Variants in NSG2 observed in about 807,000 individuals in gnomAD.
The protein encoded by NSG2 is neuronal vesicle trafficking associated 2, also known as neuronal vesicle trafficking-associated protein 2.
A neutral mutation model predicts 16.9 loss-of-function variants in NSG2; 4 were observed. That is an observed-to-expected ratio of 0.24 (90% CI 0.12 to 0.54). NSG2 has a LOEUF of 0.54. NSG2 is among the 20% of genes least tolerant of loss of function. The pLI is 0.95. For missense variants in NSG2, 179 were observed against 221.1 expected, an observed-to-expected ratio of 0.81 and a Z score of 1.21; for synonymous variants, 98 against 88.7, an observed-to-expected ratio of 1.11 and a Z score of -0.59.
chr5:174,090,391 C>T lies in NSG2; in HGVS notation c.214-13837C>T, dbSNP rs373059672. On this transcript the variant is annotated intron_variant, in intron 3 of 4. Coordinates refer to ENST00000303177, the MANE Select transcript of NSG2 (RefSeq NM_015980.5). ...GCCAGGGAAGCTTGTTAGAGACTGTCTCCAGGGTTTTCACTGGGGGCTGGT... is the reference window on the plus strand; with the variant it reads ...GCCAGGGAAGCTTGTTAGAGACTGTTTCCAGGGTTTTCACTGGGGGCTGGT... Among the ~76,000 whole-genome samples the T allele has an allele frequency of 4.6e-5, 7 of 152,314 alleles. No individual in the cohort carries two copies. The East Asian group carries it at 1.4e-3, about 29-fold the overall frequency.
intron 3 of NSG2, among the ~76,000 whole-genome samples, chr5:174,073,064 C>T (rs554964207): frequency 1.3e-5 from 2 of 152,312 alleles, no homozygotes; most frequent in South Asian, 2.1e-4. Context: ...CAAGAAACTC[C>T]ACATCGATCA....
At chr5:174,052,787 A>G (rs1431561950) in intron 2 of NSG2, among the ~76,000 whole-genome samples, 6 of 152,170 alleles carry the variant, frequency 3.9e-5, no homozygotes, top group African/African-American at 1.4e-4. Context: ...AAAACAGTGC[A>G]GCCAAGATCT....
intron 3 of NSG2, among the ~76,000 whole-genome samples, chr5:174,080,529 C>CTTTCTTTCCTTCTT (rs1561668646): frequency 9.7e-6 from 1 of 102,796 alleles, no homozygotes; most frequent in African/African-American, 4.2e-5. Context: ...CTTTCTTTCT[C>CTTTCTTTCCTTCTT]TCTCTCTCTC....
At chr5:174,097,270 G>A (rs1710550298) in intron 3 of NSG2, among the ~76,000 whole-genome samples, 1 of 152,080 alleles carries the variant, frequency 6.6e-6, no homozygotes, top group African/African-American at 2.4e-5. Flanking sequence ...ATCTTCATGG[G>A]TGCCAGCCCA....
At chr5:174,064,161 G>A in intron 2 of NSG2, 71 bp from the exon 3 acceptor site, 1 of 1,042,958 alleles carries the variant, frequency 9.6e-7, no homozygotes, top group East Asian at 2.6e-5. Context: ...ATAAATTCTG[G>A]TTACTGAAAA....
At chr5:174,089,980 G>A (rs1311587955) in intron 3 of NSG2, among the ~76,000 whole-genome samples, 1 of 152,142 alleles carries the variant, frequency 6.6e-6, no homozygotes, top group Non-Finnish European at 1.5e-5. Context: ...GCAAAGGGCT[G>A]GAACCTGGTG....
At position 174,047,552 on chromosome 5, in the gene NSG2, A is replaced by C. The variant is rs527810844; in HGVS notation, c.129+668A>C. 3.3e-5 allele frequency among the ~76,000 whole-genome samples: 5 copies of C among 152,324 alleles called. No homozygotes were observed. In the East Asian group the frequency reaches 9.6e-4, roughly 29 times the overall value. ...GAGTAAAAACCCTTCCTGGCAGACC[A>C]TGGAGTGGGGAAGGGAAGGCATTTT... On this transcript the variant is annotated intron_variant, in intron 2 of 4. Coordinates refer to ENST00000303177, the MANE Select transcript of NSG2 (RefSeq NM_015980.5).
At chr5:174,074,830 G>A (rs945052443) in intron 3 of NSG2, among the ~76,000 whole-genome samples, 3 of 151,758 alleles carry the variant, frequency 2.0e-5, no homozygotes, top group Admixed American at 2.0e-4. Flanking sequence ...TGGAGACCCC[G>A]CTTAGAGCTC....
intron 3 of NSG2, among the ~76,000 whole-genome samples, chr5:174,088,972 G>T (rs1182134135): frequency 6.6e-6 from 1 of 152,160 alleles, no homozygotes; most frequent in East Asian, 1.9e-4. Flanking sequence ...GGCTTTGAGG[G>T]CAGACTTGGC....
intron 3 of NSG2, among the ~76,000 whole-genome samples, chr5:174,068,533 G>A (rs1760180980): frequency 1.3e-5 from 2 of 152,200 alleles, no homozygotes; most frequent in South Asian, 2.1e-4. Context: ...GCTGTGGAAG[G>A]TGCTGGTGAT....
intron 3 of NSG2, among the ~76,000 whole-genome samples, chr5:174,073,363 T>C (rs1760275973): frequency 6.6e-6 from 1 of 152,230 alleles, no homozygotes; most frequent in Non-Finnish European, 1.5e-5. Context: ...CTCTCTTTCT[T>C]TTAAATTTTG....
chr5:174,071,318 C>T (rs1178552063), intron 3 of NSG2, among the ~76,000 whole-genome samples: 1 of 152,168 alleles, frequency 6.6e-6, no homozygotes, highest in African/African-American at 2.4e-5. Flanking sequence ...GAAACACCGT[C>T]TCTACTAAAA....
chr5:174,046,360 G>T (rs945294052), intron 1 of NSG2, among the ~76,000 whole-genome samples: 1 of 151,884 alleles, frequency 6.6e-6, no homozygotes, highest in Non-Finnish European at 1.5e-5. Context: ...CAGGCGGGGG[G>T]GGTGGTATAA....
intron 2 of NSG2, among the ~76,000 whole-genome samples, chr5:174,061,770 A>G (rs1284390957): frequency 6.6e-6 from 1 of 151,716 alleles, no homozygotes; most frequent in African/African-American, 2.4e-5. Flanking sequence ...TGCCCAGCTA[A>G]TTTTTTTAAT....
intron 3 of NSG2, among the ~76,000 whole-genome samples, chr5:174,096,614 T>A (rs1407913661): frequency 1.3e-5 from 2 of 151,566 alleles, no homozygotes; most frequent in African/African-American, 4.9e-5. Context: ...TGTTGGAGAG[T>A]CTAGGGCGGA....
At chr5:174,101,292 A>C (rs1228671643) in intron 3 of NSG2, among the ~76,000 whole-genome samples, 2 of 152,230 alleles carry the variant, frequency 1.3e-5, no homozygotes, top group Non-Finnish European at 2.9e-5. Context: ...TATTTTTAAA[A>C]ACTAAGAGAA....
At chr5:174,068,920 A>G (rs28756672) in intron 3 of NSG2, among the ~76,000 whole-genome samples, 29 of 108,048 alleles carry the variant, frequency 2.7e-4, no homozygotes, top group Middle Eastern at 8.3e-3. Flanking sequence ...GTGCTGTGGA[A>G]GGTGCTGGTG....
chr5:174,094,420 C>T (rs775165528), intron 3 of NSG2, among the ~76,000 whole-genome samples: 3 of 152,260 alleles, frequency 2.0e-5, no homozygotes, highest in South Asian at 4.1e-4. Context: ...TCACAGCAAT[C>T]CTATGGGGTG....
chr5:174,065,548 C>G (rs2113436773), intron 3 of NSG2, among the ~76,000 whole-genome samples: 1 of 152,194 alleles, frequency 6.6e-6, no homozygotes, highest in East Asian at 1.9e-4. Flanking sequence ...AGTATGCTGG[C>G]TTTTACATGG....
Sources: allele counts gnomAD v4.1 joint callset (sites outside exome capture counted in the v4.1 genomes callset), GRCh38; gene constraint gnomAD v4.1.1; transcripts MANE v1.5; gene names NCBI Gene and HGNC (gene_info 2026-07-23, HGNC 2026-07-21).